The following MAP7D2 variants were observed in gnomAD, a reference collection of about 807,000 sequenced individuals.
MAP7D2 encodes the protein MAP7 domain-containing protein 2.
Under a neutral mutation model 63.5 loss-of-function variants are expected in MAP7D2, and 33 were observed. The ratio of observed to expected loss-of-function variants is 0.52; its 90% confidence interval spans 0.39 to 0.70. The LOEUF is 0.70. Ranked by LOEUF, MAP7D2 falls within the 30% of genes least tolerant of loss-of-function variation. The probability of loss-of-function intolerance (pLI) is 0.00; values close to 1 mark genes in which losing one functional copy is unlikely to be tolerated. For synonymous variants in MAP7D2, 224 were observed against 223.7 expected, an observed-to-expected ratio of 1.00 and a Z score of -0.01; for missense variants, 626 against 604.0, an observed-to-expected ratio of 1.04 and a Z score of -0.38.
At chrX:20,030,778 A>C (rs887745151) in intron 8 of MAP7D2, among the ~76,000 whole-genome samples, 4 of 111,661 alleles carry the variant, frequency 3.6e-5, no homozygotes, top group African/African-American at 6.5e-5. Context: ...ATACCGGAGA[A>C]ACCTGGGAAC....
chrX:20,108,809 G>C (rs2066645793), intron 1 of MAP7D2, among the ~76,000 whole-genome samples: 1 of 108,554 alleles, frequency 9.2e-6, no homozygotes, highest in East Asian at 2.9e-4. Context: ...GAATCTTCCA[G>C]GGTCCTTCTA....
At chrX:20,085,788 T>G (rs1269079610) in intron 1 of MAP7D2, among the ~76,000 whole-genome samples, 2 of 112,421 alleles carry the variant, frequency 1.8e-5, no homozygotes, top group Admixed American at 1.9e-4. Context: ...CTTGGCTCAC[T>G]GCAACCTCCA....
chrX:20,100,843 G>A (rs1216963945), intron 1 of MAP7D2, among the ~76,000 whole-genome samples: 3 of 110,560 alleles, frequency 2.7e-5, no homozygotes, highest in Non-Finnish European at 5.7e-5. Context: ...CCAACATGGA[G>A]AAACCCTGTC....
At chrX:20,091,036 C>T in intron 1 of MAP7D2, among the ~76,000 whole-genome samples, 2 of 107,822 alleles carry the variant, frequency 1.9e-5, no homozygotes, top group Middle Eastern at 4.8e-3. Flanking sequence ...GGTATATTCA[C>T]TGTGAGTGGA....
chrX:20,108,971 C>T (rs997827532), intron 1 of MAP7D2, among the ~76,000 whole-genome samples: 1 of 110,042 alleles, frequency 9.1e-6, no homozygotes, highest in African/African-American at 3.3e-5. Context: ...TAGGAAATTC[C>T]ATTAAATGGA....
At chrX:20,104,647 C>G (rs753335099) in intron 1 of MAP7D2, among the ~76,000 whole-genome samples, 1 of 112,064 alleles carries the variant, frequency 8.9e-6, no homozygotes, top group East Asian at 2.8e-4. Flanking sequence ...GTAGACATAA[C>G]TACAACTGCT....
At chrX:20,056,011 T>A (rs2065061352) in intron 4 of MAP7D2, among the ~76,000 whole-genome samples, 1 of 111,673 alleles carries the variant, frequency 9.0e-6, no homozygotes, top group South Asian at 3.7e-4. Flanking sequence ...TACAGCAAAG[T>A]CAAGAACTGT....
chrX:20,068,943 G>C (rs2065428130), intron 1 of MAP7D2, among the ~76,000 whole-genome samples: 1 of 111,433 alleles, frequency 9.0e-6, no homozygotes, highest in African/African-American at 3.3e-5. Flanking sequence ...ATTTTCTCTT[G>C]CCGCTGCCAT....
intron 10 of MAP7D2, among the ~76,000 whole-genome samples, chrX:20,016,577 G>A (rs1603350904): frequency 1.8e-5 from 2 of 112,403 alleles, no homozygotes; most frequent in East Asian, 2.7e-4. Flanking sequence ...GATGTGTAAC[G>A]CATACTGTAT....
chrX:20,110,471 G>C (rs1164114634), intron 1 of MAP7D2, among the ~76,000 whole-genome samples: 1 of 108,781 alleles, frequency 9.2e-6, no homozygotes, highest in Non-Finnish European at 1.9e-5. Context: ...CTGGGTGACA[G>C]AGCAAGACTC....
intron 1 of MAP7D2, among the ~76,000 whole-genome samples, chrX:20,108,383 C>T (rs1031091739): frequency 1.8e-5 from 2 of 109,731 alleles, no homozygotes; most frequent in Admixed American, 2.0e-4. Context: ...TACAGGTATG[C>T]GCCACCACAT....
At chrX:20,049,828 A>G (rs892351526) in intron 6 of MAP7D2, 32 of 323,002 alleles carry the variant, frequency 9.9e-5, no homozygotes, top group Non-Finnish European at 1.7e-4. Flanking sequence ...GTGTCTCCAC[A>G]CCTCCACCAA....
At position 20,052,944 on chromosome X, in the gene MAP7D2, T is replaced by C. The variant is rs137961960; in HGVS notation, c.529A>G (p.Thr177Ala). 34 of 1,210,116 alleles carry C rather than the reference T, an allele frequency of 2.8e-5. No homozygotes were observed. Among genetic ancestry groups the C allele is most frequent in the South Asian group, 5.3e-5 (3 of 56,836 alleles). Residue 177 changes from threonine to alanine, a missense_variant, in exon 5 of 17, where the codon ACG becomes GCG. Transcript: ENST00000379643. ...STSTMSLPKP[T>A]EPPMNKRLSS... ...AGGCGTTTATTCATGGGAGGCTCCG[T>C]TGGCTTTGGCAAACTCATAGTTGAT...
intron 1 of MAP7D2, among the ~76,000 whole-genome samples, chrX:20,076,478 G>A (rs1351745209): frequency 9.0e-6 from 1 of 111,426 alleles, no homozygotes; most frequent in African/African-American, 3.3e-5. Flanking sequence ...GGCTGAGGCG[G>A]GTGGATCACT....
At chrX:20,069,774 AT>A (rs747257549) in intron 1 of MAP7D2, among the ~76,000 whole-genome samples, 24,570 of 86,914 alleles carry the variant, frequency 0.28, 4,183 homozygotes, top group African/African-American at 0.61. Flanking sequence ...TCTCTCTGTA[AT>A]TTTTTTTTTT....
intron 10 of MAP7D2, among the ~76,000 whole-genome samples, chrX:20,023,442 G>T (rs1043169491): frequency 8.9e-6 from 1 of 112,573 alleles, no homozygotes. Flanking sequence ...AGGCTATGAA[G>T]GAGAGGCCAG....
At chrX:20,105,811 A>G (rs937686831) in intron 1 of MAP7D2, among the ~76,000 whole-genome samples, 1 of 111,938 alleles carries the variant, frequency 8.9e-6, no homozygotes, top group Admixed American at 9.5e-5. Flanking sequence ...CTCCTCCCAC[A>G]GTTATGGTTC....
chrX:20,051,494 G>A (rs761492543), intron 5 of MAP7D2, among the ~76,000 whole-genome samples: 3 of 107,537 alleles, frequency 2.8e-5, no homozygotes, highest in African/African-American at 6.8e-5. Flanking sequence ...AGTTTGCAGT[G>A]AGCCAAGACT....
intron 10 of MAP7D2, among the ~76,000 whole-genome samples, chrX:20,019,182 T>C (rs749822227): frequency 9.0e-6 from 1 of 110,762 alleles, no homozygotes; most frequent in Admixed American, 9.6e-5. Flanking sequence ...AGTGCCACCA[T>C]GCCTGGATCA....
Sources: gnomAD v4.1 joint callset for allele counts (sites outside exome capture counted in the v4.1 genomes callset) on GRCh38, gnomAD v4.1.1 for gene constraint, MANE v1.5 for transcripts, NCBI Gene and HGNC (gene_info 2026-07-23, HGNC 2026-07-21) for gene names.